Variants in TMOD3 observed in about 807,000 individuals in gnomAD.
TMOD3 encodes the protein tropomodulin-3.
Under a neutral mutation model 39.2 loss-of-function variants are expected in TMOD3, and 20 were observed. That is an observed-to-expected ratio of 0.51 (90% CI 0.36 to 0.74). TMOD3 has a LOEUF of 0.74. Among genes scored for constraint, TMOD3 ranks in the 30% least tolerant of loss-of-function variants. TMOD3 has a pLI of 0.00. For missense variants in TMOD3, 381 were observed against 412.8 expected (o/e 0.92, Z 0.67); for synonymous variants, 143 against 145.8 (o/e 0.98, Z 0.14).
chr15:51,896,317 C>A (rs1246782717), intron 6 of TMOD3, 102 bp from the exon 7 acceptor site: 1 of 739,024 alleles, frequency 1.4e-6, no homozygotes, highest in African/African-American at 1.8e-5. Flanking sequence ...TGTATAATTT[C>A]TGAATACATT....
chr15:51,908,699 C>T (rs1034483513), intron 9 of TMOD3, 77 bp from the exon 10 acceptor site: 6 of 1,145,948 alleles, frequency 5.2e-6, no homozygotes, highest in African/African-American at 4.8e-5. Context: ...TATGCAGAAA[C>T]TTGCTTGTTA....
chr15:51,887,280 A>G (rs2056569788), intron 3 of TMOD3, among the ~76,000 whole-genome samples: 1 of 144,600 alleles, frequency 6.9e-6, no homozygotes, highest in South Asian at 2.2e-4. Flanking sequence ...TTAAAGTTTT[A>G]TAGGTTTTTT....
At chr15:51,889,994 C>G (rs559730905) in intron 5 of TMOD3, among the ~76,000 whole-genome samples, 1 of 152,166 alleles carries the variant, frequency 6.6e-6, no homozygotes, top group Admixed American at 6.5e-5. Context: ...ATCATGCCCT[C>G]TACTTCCCCA....
rs2056701462 is a variant in TMOD3, at chr15:51,909,897, A to T, written c.*1087A>T. The T allele has an allele frequency of 6.6e-6, 1 of 152,238 alleles. No individual in the cohort carries two copies. The highest frequency in any genetic ancestry group is 2.1e-4 in the South Asian group (1 of 4,830). 9.4% of individuals were successfully genotyped at this position (152,238 alleles called of 1,614,324 possible). ...AGAAGGAAAACTGCTATTCTTCATA[A>T]ATCTAATTTTTAGTATATGCTTCCT... is the stretch of plus-strand genomic sequence containing the variant. On this transcript the variant is annotated 3_prime_UTR_variant, in exon 10 of 10. Coordinates refer to ENST00000308580, the MANE Select transcript of TMOD3 (RefSeq NM_014547.5).
intron 7 of TMOD3, among the ~76,000 whole-genome samples, chr15:51,897,953 T>G (rs1287553959): frequency 6.6e-6 from 1 of 152,164 alleles, no homozygotes; most frequent in African/African-American, 2.4e-5. Flanking sequence ...CCTGGATTAT[T>G]GCAACAGCCT....
chr15:51,873,245 T>C (rs1459575419), intron 3 of TMOD3, among the ~76,000 whole-genome samples: 1 of 152,208 alleles, frequency 6.6e-6, no homozygotes, highest in African/African-American at 2.4e-5. Flanking sequence ...TAAATGTTAA[T>C]CTCTGTAGCT....
At position 51,869,355 on chromosome 15, in the gene TMOD3, T is replaced by C; in HGVS notation, c.265T>C (p.Tyr89His). ...TAAAGACAGGGAAGACTATGTGCCC[T>C]ACACTGGAGAAAAAAAAGGTAAGCC... ...EHKDREDYVP[Y>H]TGEKKGKIFI... Residue 89 changes from tyrosine (Y) to histidine (H), a missense_variant, in exon 3 of 10, where the codon TAC becomes CAC. Transcript: ENST00000308580. The C allele has an allele frequency of 6.2e-7, 1 of 1,610,920 alleles. No individual in the cohort carries two copies. The highest frequency in any genetic ancestry group is 8.5e-7 in the Non-Finnish European group (1 of 1,179,312).
chr15:51,870,819 A>G (rs2056471119), intron 3 of TMOD3, among the ~76,000 whole-genome samples: 1 of 152,200 alleles, frequency 6.6e-6, no homozygotes, highest in Non-Finnish European at 1.5e-5. Flanking sequence ...AGAAAAGTTT[A>G]TTTTAAGGAG....
At chr15:51,886,259 CG>C (rs2056562404) in intron 3 of TMOD3, among the ~76,000 whole-genome samples, 2 of 152,084 alleles carry the variant, frequency 1.3e-5, no homozygotes, top group African/African-American at 4.8e-5. Context: ...ACTTCCCAGA[CG>C]GGGTGGCGGC....
intron 3 of TMOD3, among the ~76,000 whole-genome samples, chr15:51,886,990 G>A (rs1417142943): frequency 2.0e-5 from 3 of 151,988 alleles, no homozygotes; most frequent in Non-Finnish European, 4.4e-5. Flanking sequence ...AGGCCAAGGC[G>A]AGTGGATCAC....
intron 1 of TMOD3, among the ~76,000 whole-genome samples, chr15:51,862,564 T>G (rs1040367429): frequency 4.6e-5 from 7 of 152,208 alleles, no homozygotes; most frequent in Non-Finnish European, 7.3e-5. Flanking sequence ...AATTCTAAAT[T>G]CTATCAAGTG....
intron 1 of TMOD3, among the ~76,000 whole-genome samples, chr15:51,836,055 G>C (rs535466192): frequency 1.3e-5 from 2 of 152,148 alleles, no homozygotes; most frequent in Non-Finnish European, 2.9e-5. Flanking sequence ...TTCAAAGACA[G>C]GATTACCTTT....
chr15:51,834,590 G>T (rs1414092869), intron 1 of TMOD3, among the ~76,000 whole-genome samples: 2 of 152,100 alleles, frequency 1.3e-5, no homozygotes, highest in Non-Finnish European at 1.5e-5. Flanking sequence ...CAGCGCTTTG[G>T]GAGACCAAGG....
intron 3 of TMOD3, among the ~76,000 whole-genome samples, chr15:51,881,032 G>T (rs2056530584): frequency 6.6e-6 from 1 of 152,064 alleles, no homozygotes; most frequent in African/African-American, 2.4e-5. Context: ...ATCACATTGT[G>T]GTTTTGATTT....
At chr15:51,889,191 T>C in intron 5 of TMOD3, 46 bp downstream of exon 5, 1 of 1,362,180 alleles carries the variant, frequency 7.3e-7, no homozygotes, top group Non-Finnish European at 1.0e-6. Context: ...TTATTAAATA[T>C]ATTTTGTTTT....
intron 1 of TMOD3, among the ~76,000 whole-genome samples, chr15:51,849,634 A>T (rs974700888): frequency 6.6e-6 from 1 of 152,120 alleles, no homozygotes. Flanking sequence ...ACTGTGTCTA[A>T]TAGGTCTCTT....
chr15:51,908,703 C>T, intron 9 of TMOD3, 73 bp from the exon 10 acceptor site: 4 of 1,254,496 alleles, frequency 3.2e-6, no homozygotes, highest in South Asian at 1.5e-5. Context: ...CAGAAACTTG[C>T]TTGTTATAAG....
At chr15:51,844,757 A>C (rs763356534) in intron 1 of TMOD3, among the ~76,000 whole-genome samples, 4 of 152,214 alleles carry the variant, frequency 2.6e-5, no homozygotes, top group Non-Finnish European at 1.5e-5. Context: ...TTTCATGGAA[A>C]CATGTCTAAC....
intron 3 of TMOD3, among the ~76,000 whole-genome samples, chr15:51,887,054 A>T (rs962771441): frequency 5.0e-4 from 76 of 152,056 alleles, no homozygotes; most frequent in African/African-American, 1.7e-3. Flanking sequence ...CCCTGTCTCT[A>T]CTAAAAATAC....
Sources: gnomAD v4.1 joint callset for allele counts (sites outside exome capture counted in the v4.1 genomes callset) on GRCh38, gnomAD v4.1.1 for gene constraint, MANE v1.5 for transcripts, NCBI Gene and HGNC (gene_info 2026-07-23, HGNC 2026-07-21) for gene names.